Variants in RSPO2 observed in about 807,000 individuals in gnomAD.
The protein encoded by RSPO2 is R-spondin-2.
A neutral mutation model predicts 30.9 loss-of-function variants in RSPO2; 14 were observed. The observed-to-expected ratio is 0.45, with a 90% CI of 0.30 to 0.71. The LOEUF (loss-of-function observed/expected upper bound fraction) is 0.71. RSPO2 is among the 30% of genes least tolerant of loss of function. The probability of loss-of-function intolerance (pLI) is 0.08; values close to 1 mark genes in which losing one functional copy is unlikely to be tolerated. For synonymous variants in RSPO2, 107 were observed against 96.4 expected (o/e 1.11, Z -0.64); for missense variants, 264 against 301.9 (o/e 0.87, Z 0.93).
At chr8:108,031,190 C>A (rs1811407134) in intron 2 of RSPO2, among the ~76,000 whole-genome samples, 1 of 152,178 alleles carries the variant, frequency 6.6e-6, no homozygotes, top group Non-Finnish European at 1.5e-5. Flanking sequence ...GTGTTATAGG[C>A]TTGAACCTAC....
At chr8:107,951,644 C>A (rs1426690477) in intron 5 of RSPO2, among the ~76,000 whole-genome samples, 1 of 152,110 alleles carries the variant, frequency 6.6e-6, no homozygotes, top group Admixed American at 6.6e-5. Flanking sequence ...CTGCCCCAGA[C>A]TACATTGAAA....
chr8:108,023,462 A>T (rs749274914), intron 2 of RSPO2, among the ~76,000 whole-genome samples: 1 of 152,158 alleles, frequency 6.6e-6, no homozygotes, highest in Non-Finnish European at 1.5e-5. Context: ...AACACAACAC[A>T]TGGCATCTGA....
chr8:108,047,595 C>T (rs921974422), intron 2 of RSPO2, among the ~76,000 whole-genome samples: 1 of 152,090 alleles, frequency 6.6e-6, no homozygotes, highest in East Asian at 1.9e-4. Context: ...TGCCTGTAAT[C>T]CCAGCACTTT....
intron 2 of RSPO2, among the ~76,000 whole-genome samples, chr8:108,062,130 A>G (rs1359391322): frequency 6.6e-6 from 1 of 151,624 alleles, no homozygotes; most frequent in Non-Finnish European, 1.5e-5. Flanking sequence ...AAAGAACTAG[A>G]GAAGCAGAAG....
At chr8:107,990,875 G>A (rs1814820846) in intron 2 of RSPO2, among the ~76,000 whole-genome samples, 1 of 152,160 alleles carries the variant, frequency 6.6e-6, no homozygotes, top group Admixed American at 6.5e-5. Flanking sequence ...GAACAGAATA[G>A]AGTATCCAGA....
intron 5 of RSPO2, among the ~76,000 whole-genome samples, chr8:107,906,488 G>T (rs1554625855): frequency 6.8e-6 from 1 of 147,236 alleles, no homozygotes; most frequent in Non-Finnish European, 1.5e-5. Flanking sequence ...ATGGATCTAA[G>T]AAAAAGCCTG....
In RSPO2 at chr8:107,948,870, T is replaced by TAAAA. The variant is rs1219039833; in HGVS notation, c.616+9209_616+9210insTTTT. Among the ~76,000 whole-genome samples, 699 of 146,684 alleles carry TAAAA rather than the reference T, an allele frequency of 4.8e-3. 4 individuals are homozygous for TAAAA. Among genetic ancestry groups the TAAAA allele is most frequent in the African/African-American group, 0.015 (603 of 39,264 alleles). ...GCAAGACTCCATCTCAAAAAAAAAA[T>TAAAA]AAATAAATAAATAAATAAAAATCTA... On this transcript the variant is annotated intron_variant, in intron 5 of 5. Transcript: ENST00000276659.
intron 3 of RSPO2, among the ~76,000 whole-genome samples, chr8:107,978,238 GC>G (rs1420508685): frequency 1.3e-5 from 2 of 152,008 alleles, no homozygotes; most frequent in Non-Finnish European, 2.9e-5. Context: ...GACCAGCCTG[GC>G]CAACATGGTG....
chr8:108,042,204 T>C (rs778966804), intron 2 of RSPO2, among the ~76,000 whole-genome samples: 2 of 152,090 alleles, frequency 1.3e-5, no homozygotes, highest in Admixed American at 6.5e-5. Flanking sequence ...TGGTACCTAC[T>C]GGTGCTGAGT....
chr8:108,025,316 C>T (rs1811182382), intron 2 of RSPO2, among the ~76,000 whole-genome samples: 1 of 152,122 alleles, frequency 6.6e-6, no homozygotes, highest in Non-Finnish European at 1.5e-5. Flanking sequence ...CCACCTAAAA[C>T]ACATTGTGCC....
rs1050611219 is a variant in RSPO2, at chr8:108,070,278, C to CTTTTTTT, written c.94+12260_94+12266dup. 1.8e-3 allele frequency among the ~76,000 whole-genome samples: 143 copies of CTTTTTTT among 81,206 alleles called. 2 individuals are homozygous for CTTTTTTT. Among genetic ancestry groups the CTTTTTTT allele is most frequent in the African/African-American group, 5.5e-3 (114 of 20,656 alleles). 53.3% of individuals were successfully genotyped at this position (81,206 alleles called of 152,430 possible). ...TGGGCAACACAGCAAGACCCCATCTCTTTTTTTTTTTTTTTTTTTTTTTTT... is the reference window on the plus strand; with the variant it reads ...TGGGCAACACAGCAAGACCCCATCTCTTTTTTTTTTTTTTTTTTTTTTTTTTTTTTTT... On this transcript the variant is annotated intron_variant, in intron 2 of 5. Transcript: ENST00000276659.
intron 2 of RSPO2, among the ~76,000 whole-genome samples, chr8:108,069,301 C>T (rs954941505): frequency 6.6e-6 from 1 of 152,110 alleles, no homozygotes; most frequent in Non-Finnish European, 1.5e-5. Context: ...TCATCCTCCG[C>T]CTCCCGGGTT....
At chr8:108,046,575 C>T (rs1234964758) in intron 2 of RSPO2, among the ~76,000 whole-genome samples, 1 of 151,866 alleles carries the variant, frequency 6.6e-6, no homozygotes, top group Non-Finnish European at 1.5e-5. Context: ...TCAGGCTATG[C>T]AAACTTTTTT....
At position 108,011,362 on chromosome 8, in the gene RSPO2, C is replaced by CA. The variant is rs1482658794; in HGVS notation, c.95-22119dup. Among the ~76,000 whole-genome samples the CA allele has an allele frequency of 5.9e-5, 9 of 151,812 alleles. No homozygotes were observed. The East Asian group carries it at 1.7e-3, about 29-fold the overall frequency. On this transcript the variant is annotated intron_variant, in intron 2 of 5. Transcript: ENST00000276659. The stretch of plus-strand genomic sequence containing the variant: ...TATATTTATATTTTAAAAAATCTTG[C>CA]AAAAAAGACAAAAAATATTAACAGT...
chr8:108,072,585 G>T (rs574673633), intron 2 of RSPO2, among the ~76,000 whole-genome samples: 1 of 147,616 alleles, frequency 6.8e-6, no homozygotes, highest in Non-Finnish European at 1.5e-5. Context: ...TGATCCGCCC[G>T]CCTCGGCCTC....
At chr8:107,905,240 T>C (rs979662815) in intron 5 of RSPO2, among the ~76,000 whole-genome samples, 1 of 152,034 alleles carries the variant, frequency 6.6e-6, no homozygotes, top group Non-Finnish European at 1.5e-5. Context: ...TCCCTCAGAG[T>C]AAGGCACCGA....
chr8:108,080,324 T>C (rs758890677), intron 2 of RSPO2, among the ~76,000 whole-genome samples: 3 of 152,170 alleles, frequency 2.0e-5, no homozygotes, highest in Non-Finnish European at 4.4e-5. Context: ...TGTAAAGGGA[T>C]ATCTGTTGAG....
chr8:107,975,128 G>A (rs918609372), intron 3 of RSPO2, among the ~76,000 whole-genome samples: 1 of 152,154 alleles, frequency 6.6e-6, no homozygotes, highest in African/African-American at 2.4e-5. Flanking sequence ...ATAAATAGTG[G>A]CCTATCAGGT....
At chr8:107,982,604 A>C (rs1814483702) in intron 3 of RSPO2, among the ~76,000 whole-genome samples, 1 of 152,130 alleles carries the variant, frequency 6.6e-6, no homozygotes, top group Admixed American at 6.5e-5. Context: ...TTTTAAATAC[A>C]CTTAGAGGAA....
Sources: allele counts gnomAD v4.1 joint callset (sites outside exome capture counted in the v4.1 genomes callset), GRCh38; gene constraint gnomAD v4.1.1; transcripts MANE v1.5; gene names NCBI Gene and HGNC (gene_info 2026-07-23, HGNC 2026-07-21).